TUT7: variants seen among roughly 807,000 people sequenced by gnomAD.
The protein encoded by TUT7 is terminal uridylyltransferase 7.
TUT7 carries 33 observed loss-of-function variants against 165.9 expected under a neutral mutation model. The ratio of observed to expected loss-of-function variants is 0.20; its 90% CI spans 0.15 to 0.27. The LOEUF is 0.27. Among genes scored for constraint, TUT7 ranks in the 10% least tolerant of loss-of-function variants. TUT7 has a pLI of 1.00. For missense variants in TUT7, 1,338 were observed against 1,762.3 expected (o/e 0.76, Z 4.31); for synonymous variants, 552 against 608.1 (o/e 0.91, Z 1.36).
At chr9:86,313,469 T>C (rs1036149463) in intron 17 of TUT7, among the ~76,000 whole-genome samples, 5 of 152,162 alleles carry the variant, frequency 3.3e-5, no homozygotes, top group African/African-American at 2.4e-5. Context: ...TAATGTGTGA[T>C]AGGGATATGT....
intron 17 of TUT7, among the ~76,000 whole-genome samples, chr9:86,312,349 G>A (rs1370862629): frequency 6.1e-5 from 9 of 147,314 alleles, no homozygotes; most frequent in Admixed American, 3.4e-4. Flanking sequence ...CCTGGCAACC[G>A]CCCAGTCTGA....
intron 2 of TUT7, among the ~76,000 whole-genome samples, chr9:86,350,233 A>T (rs1242273970): frequency 2.0e-5 from 3 of 152,206 alleles, no homozygotes; most frequent in Non-Finnish European, 4.4e-5. Flanking sequence ...CAGGAGGCTG[A>T]GGCAAGAGAA....
intron 26 of TUT7, among the ~76,000 whole-genome samples, chr9:86,297,558 C>T (rs1392186668): frequency 6.6e-6 from 1 of 151,978 alleles, no homozygotes; most frequent in Non-Finnish European, 1.5e-5. Context: ...CCAGGTGTGG[C>T]GGCTCATATC....
chr9:86,303,963 G>C (rs1827206161), intron 24 of TUT7, among the ~76,000 whole-genome samples: 1 of 152,210 alleles, frequency 6.6e-6, no homozygotes, highest in Admixed American at 6.5e-5. Context: ...AATTTTAAAA[G>C]TCTTCACTGG....
intron 11 of TUT7, among the ~76,000 whole-genome samples, chr9:86,327,658 G>T (rs1348588895): frequency 6.6e-6 from 1 of 152,196 alleles, no homozygotes; most frequent in African/African-American, 2.4e-5. Context: ...AGTGTTCAAG[G>T]ATTCTAGAAA....
intron 2 of TUT7, among the ~76,000 whole-genome samples, chr9:86,347,453 C>T (rs1291551061): frequency 3.9e-5 from 6 of 151,982 alleles, no homozygotes; most frequent in Admixed American, 3.9e-4. Flanking sequence ...ACTGAAAAGC[C>T]CTACATGAAG....
chr9:86,337,673 T>C (rs375068650), intron 9 of TUT7, 135 bp from the exon 10 acceptor site: 2 of 1,033,958 alleles, frequency 1.9e-6, no homozygotes, highest in African/African-American at 3.3e-5. Context: ...AAATAGCAGT[T>C]ACAAAATATA....
At chr9:86,330,664 G>A (rs977449652) in intron 10 of TUT7, among the ~76,000 whole-genome samples, 2 of 152,206 alleles carry the variant, frequency 1.3e-5, no homozygotes, top group Admixed American at 1.3e-4. Flanking sequence ...TTCTGCAAAG[G>A]TTTTTCCCTA....
In TUT7 at chr9:86,323,368, A is replaced by G; in HGVS notation, c.2382T>C (p.Asn794=). The change falls in exon 13 of 27, where the codon AAT becomes AAC. Residue 794 remains asparagine, a synonymous_variant. Transcript: ENST00000375963. ...GTCCCTCACACTCTTTAGCTGTGGG[A>G]TTTTGGAAGCCTTCTAAATCCAAAG... The part of the protein sequence containing the change: ...ESTLDLEGFQ[N]PTAKECEGLA... The G allele has an allele frequency of 6.2e-7, 1 of 1,614,074 alleles. No homozygotes were observed. The highest frequency in any genetic ancestry group is 1.1e-5 in the South Asian group (1 of 91,082).
intron 2 of TUT7, among the ~76,000 whole-genome samples, chr9:86,347,270 T>G (rs1831858822): frequency 6.6e-6 from 1 of 152,244 alleles, no homozygotes; most frequent in South Asian, 2.1e-4. Flanking sequence ...TCTATAATCC[T>G]TATAATGAAT....
At chr9:86,351,805 C>G (rs1413444086) in intron 2 of TUT7, among the ~76,000 whole-genome samples, 1 of 152,126 alleles carries the variant, frequency 6.6e-6, no homozygotes, top group Admixed American at 6.5e-5. Context: ...CACTAAAAAA[C>G]GCTTTCAGCC....
intron 26 of TUT7, among the ~76,000 whole-genome samples, chr9:86,293,489 TA>T (rs149395088): frequency 2.0e-5 from 3 of 150,692 alleles, no homozygotes; most frequent in African/African-American, 4.9e-5. Flanking sequence ...TGAAATCATG[TA>T]AAAAAAAATG....
At chr9:86,322,083 A>T (rs984139164) in intron 14 of TUT7, among the ~76,000 whole-genome samples, 1 of 151,942 alleles carries the variant, frequency 6.6e-6, no homozygotes, top group African/African-American at 2.4e-5. Context: ...CTCAAAATTT[A>T]AAAAAAAATT....
chr9:86,336,236 A>C (rs1473702249), intron 10 of TUT7, among the ~76,000 whole-genome samples: 1 of 152,180 alleles, frequency 6.6e-6, no homozygotes, highest in African/African-American at 2.4e-5. Context: ...AGGTGAAAGG[A>C]AAACTTCAAA....
intron 26 of TUT7, among the ~76,000 whole-genome samples, chr9:86,297,789 C>A (rs1011697812): frequency 3.9e-5 from 6 of 152,120 alleles, no homozygotes; most frequent in Non-Finnish European, 8.8e-5. Context: ...CTACAATAGT[C>A]TCTCATTTCA....
intron 10 of TUT7, among the ~76,000 whole-genome samples, chr9:86,336,388 A>T (rs1208773140): frequency 1.3e-5 from 2 of 152,148 alleles, no homozygotes; most frequent in Non-Finnish European, 2.9e-5. Flanking sequence ...TCTCAGTACC[A>T]CAGGCACGAA....
chr9:86,321,708 G>A (rs1829314628), intron 14 of TUT7, among the ~76,000 whole-genome samples: 1 of 152,106 alleles, frequency 6.6e-6, no homozygotes, highest in Non-Finnish European at 1.5e-5. Flanking sequence ...CAGCCTGGGG[G>A]ACCGAGCAAG....
At chr9:86,304,583 A>G (rs1197263765) in intron 24 of TUT7, among the ~76,000 whole-genome samples, 1 of 152,188 alleles carries the variant, frequency 6.6e-6, no homozygotes, top group African/African-American at 2.4e-5. Flanking sequence ...TATGAAGGCT[A>G]GCACAGATAA....
chr9:86,327,094 T>C (rs919614875), intron 11 of TUT7, among the ~76,000 whole-genome samples: 3 of 152,192 alleles, frequency 2.0e-5, no homozygotes, highest in East Asian at 1.9e-4. Context: ...TGATTAAAAA[T>C]GGAAGTTGTC....
Sources: gnomAD v4.1 joint callset for allele counts (sites outside exome capture counted in the v4.1 genomes callset) on GRCh38, gnomAD v4.1.1 for gene constraint, MANE v1.5 for transcripts, NCBI Gene and HGNC (gene_info 2026-07-23, HGNC 2026-07-21) for gene names.